The following LOX variants were observed in gnomAD, a reference collection of about 807,000 sequenced individuals.
The protein encoded by LOX is protein-lysine 6-oxidase.
LOX carries 12 observed loss-of-function variants against 50.5 expected under a neutral mutation model. That is an observed-to-expected ratio of 0.24 (90% CI 0.15 to 0.38). The LOEUF is 0.38. Ranked by LOEUF, LOX falls within the 10% of genes least tolerant of loss-of-function variation. The pLI is 1.00. For missense variants in LOX, 504 were observed against 563.8 expected (o/e 0.89, Z 1.07); for synonymous variants, 254 against 230.6 (o/e 1.10, Z -0.92).
intron 6 of LOX, among the ~76,000 whole-genome samples, chr5:122,067,840 C>T (rs1451340008): frequency 1.3e-5 from 2 of 152,016 alleles, no homozygotes; most frequent in Admixed American, 1.3e-4. Flanking sequence ...CCGGTGCATT[C>T]CCCAGACTTC....
In LOX at chr5:122,064,081, A is replaced by G. The variant is rs1312335421; in HGVS notation, c.*2662T>C. On this transcript the variant is annotated 3_prime_UTR_variant, in exon 7 of 7. Coordinates refer to ENST00000231004, the MANE Select transcript of LOX (RefSeq NM_002317.7). Reference sequence around the variant, plus strand: ...AATATGGCATATTGTAAACTGACTCATAAACTCTGAAATTATGTTCCTATT... The same window carrying G: ...AATATGGCATATTGTAAACTGACTCGTAAACTCTGAAATTATGTTCCTATT... 2 of 151,926 alleles carry G rather than the reference A, an allele frequency of 1.3e-5. No homozygotes were observed. Among genetic ancestry groups the G allele is most frequent in the Non-Finnish European group, 2.9e-5 (2 of 67,872 alleles). 9.4% of individuals were successfully genotyped at this position (151,926 alleles called of 1,614,324 possible).
intron 4 of LOX, chr5:122,070,853 G>C: frequency 3.9e-6 from 1 of 256,258 alleles, no homozygotes. Context: ...AATGCAATCT[G>C]AAGGAACAAA....
At chr5:122,075,183 A>G (rs1162820219) in intron 3 of LOX, 2 of 447,858 alleles carry the variant, frequency 4.5e-6, no homozygotes, top group South Asian at 4.3e-5. Flanking sequence ...GCTGTATCCT[A>G]TCAACAGCTT....
In LOX at chr5:122,077,441, G is replaced by T; in HGVS notation, c.545C>A (p.Pro182His). ...YNPYKYSDDN[P>H]YYNYYDTYER... is the part of the protein sequence containing the mutation. ...ATAAGTATCGTAGTAGTTGTAATAA[G>T]GGTTGTCGTCAGAGTACTTGTAGGG... The change falls in exon 1 of 7, where the codon CCT becomes CAT. Residue 182 changes from proline to histidine, a missense_variant. Coordinates refer to ENST00000231004, the MANE Select transcript of LOX (RefSeq NM_002317.7). The surrounding 1 kb of genome is among the most constrained non-coding windows in gnomAD (Gnocchi z 4.9). 1 of 1,614,152 alleles carries T rather than the reference G, an allele frequency of 6.2e-7. No individual in the cohort carries two copies. The highest frequency in any genetic ancestry group is 8.5e-7 in the Non-Finnish European group (1 of 1,180,016).
At chr5:122,072,213 C>A (rs1754471734) in intron 4 of LOX, among the ~76,000 whole-genome samples, 2 of 152,046 alleles carry the variant, frequency 1.3e-5, no homozygotes, top group Non-Finnish European at 2.9e-5. Context: ...ACAAAAGAGC[C>A]TTAAAAATGC....
Position 122,077,968 on chromosome 5 carries a change from G to A in LOX, c.18C>T (p.Thr6=), listed in dbSNP as rs570529743. The A allele has an allele frequency of 6.1e-6, 9 of 1,464,578 alleles. No homozygotes were observed. The East Asian group carries it at 2.1e-4, about 34-fold the overall frequency. 90.7% of individuals were successfully genotyped at this position (1,464,578 alleles called of 1,614,324 possible). A position where few individuals can be genotyped will look rare whatever the true frequency, so the allele number is the denominator to read the frequency against. ...GCTGCAAAGGCCCGAGCAGGAGCAC[G>A]GTCCAGGCGAAGCGCATCACTCCTT... MRFAW[T]VLLLGPLQLC... Residue 6 remains threonine, a synonymous_variant, in exon 1 of 7, where the codon ACC becomes ACT. Coordinates refer to ENST00000231004, the MANE Select transcript of LOX (RefSeq NM_002317.7). This position sits in a 1 kb window ranked among gnomAD's most constrained non-coding sequence, Gnocchi z 4.9.
Position 122,077,611 on chromosome 5 carries a change from G to A in LOX, c.375C>T (p.Phe125=), listed in dbSNP as rs1424480772. 7.4e-6 allele frequency: 12 copies of A among 1,612,240 alleles called. No homozygotes were observed. Among genetic ancestry groups the A allele is most frequent in the Non-Finnish European group, 9.3e-6 (11 of 1,179,782 alleles). The change falls in exon 1 of 7, where the codon TTC becomes TTT. Residue 125 remains phenylalanine (F), a synonymous_variant. Transcript: ENST00000231004. The surrounding 1 kb of genome is among the most constrained non-coding windows in gnomAD (Gnocchi z 4.9). The part of the protein sequence containing the change: ...GRPRPTARHW[F]QAGYSTSRAR... ...CTCTAGATGTCGAGTAGCCAGCTTG[G>A]AACCAGTGACGGGCGGTGGGCCTGG...
At position 122,070,529 on chromosome 5, in the gene LOX, T is replaced by G; in HGVS notation, c.1096A>C (p.Ile366Leu). The change falls in exon 5 of 7, where the codon ATT becomes CTT. Residue 366 changes from isoleucine to leucine, a missense_variant. By Grantham distance (5) the Ile-to-Leu change is conservative. Around this residue, in one of 2 missense-constraint regions of LOX, gnomAD observed 106 missense variants for 198.1 expected, o/e 0.54. Coordinates refer to ENST00000231004, the MANE Select transcript of LOX (RefSeq NM_002317.7). ...GADIDCQWID[I>L]TDVKPGNYIL... ...TAGTTTCCAGGTTTTACATCTGTAA[T>G]ATCAATCCACTGGCAGTCTATGTCT... 1 of 1,608,574 alleles carries G rather than the reference T, an allele frequency of 6.2e-7. No individual in the cohort carries two copies. Among genetic ancestry groups the G allele is most frequent in the Non-Finnish European group, 8.5e-7 (1 of 1,175,888 alleles).
chr5:122,068,174 T>TAAAAAAAAAAAAAAAAAAAAA (rs10650287), intron 6 of LOX, among the ~76,000 whole-genome samples: 1 of 115,908 alleles, frequency 8.6e-6, no homozygotes. Flanking sequence ...TAATAACTAG[T>TAAAAAAAAAAAAAAAAAAAAA]AAAAAAAAAA....
Position 122,063,550 on chromosome 5 carries a change from T to TTTAA in LOX, c.*3189_*3192dup, listed in dbSNP as rs1331604652. The TTTAA allele has an allele frequency of 3.9e-5, 6 of 151,922 alleles. No individual in the cohort carries two copies. The highest frequency in any genetic ancestry group is 1.2e-4 in the African/African-American group (5 of 41,422). The allele number at this position is 151,922 out of a possible 1,614,324, so 9.4% of individuals were successfully genotyped here. A position where few individuals can be genotyped will look rare whatever the true frequency, so the allele number is the denominator to read the frequency against. ...TAGAGGATAAATGAAATGTTTAGTG[T>TTTAA]TTAAAAGTGGCCCAGGAATTTTGGT... On this transcript the variant is annotated 3_prime_UTR_variant, in exon 7 of 7. Coordinates refer to ENST00000231004, the MANE Select transcript of LOX (RefSeq NM_002317.7).
At chr5:122,067,831 C>T (rs928873372) in intron 6 of LOX, among the ~76,000 whole-genome samples, 1 of 151,982 alleles carries the variant, frequency 6.6e-6, no homozygotes, top group African/African-American at 2.4e-5. Flanking sequence ...TAATGCTCCC[C>T]GGTGCATTCC....
chr5:122,077,385 G>C lies in LOX; in HGVS notation c.601C>G (p.Pro201Ala). The change falls in exon 1 of 7, where the codon CCC becomes GCC. Residue 201 changes from proline (P) to alanine (A), a missense_variant. Physicochemically the swap from Pro to Ala is conservative, Grantham distance 27 (BLOSUM62 -1). Transcript: ENST00000231004. The surrounding 1 kb of genome is among the most constrained non-coding windows in gnomAD (Gnocchi z 4.9). ...TGGAAGTAGCCAGTGCCGTATCCGGGCCGGTACCTGCCCCCAGGTCTGGGC... is the reference window on the plus strand; with the variant it reads ...TGGAAGTAGCCAGTGCCGTATCCGGCCCGGTACCTGCCCCCAGGTCTGGGC... ...ERPRPGGRYRPGYGTGYFQYG... is the reference protein window; with the variant it reads ...ERPRPGGRYRAGYGTGYFQYG... 1 of 1,614,042 alleles carries C rather than the reference G, an allele frequency of 6.2e-7. No homozygotes were observed.
At position 122,070,602 on chromosome 5, in the gene LOX, A is replaced by G. The variant is rs2979866; in HGVS notation, c.1036-13T>C. 6 of 1,451,936 alleles carry G rather than the reference A, an allele frequency of 4.1e-6. No homozygotes were observed. The African/African-American group carries it at 7.0e-5, about 17-fold the overall frequency. The allele number at this position is 1,451,936 out of a possible 1,614,324, so 89.9% of individuals were successfully genotyped here. On this transcript the variant is annotated splice_polypyrimidine_tract_variant and intron_variant, in intron 4 of 6. Transcript: ENST00000231004. ...CAGGACTCAATCCCTAAGATAAACA[A>G]AATAAAAAATTTAAAATTATGGTAT... is the stretch of plus-strand genomic sequence containing the variant.
At position 122,077,157 on chromosome 5, in the gene LOX, G is replaced by T. The variant is rs1754662937; in HGVS notation, c.632-156C>A. On this transcript the variant is annotated intron_variant, in intron 1 of 6. Transcript: ENST00000231004. The surrounding 1 kb of genome is among the most constrained non-coding windows in gnomAD (Gnocchi z 4.9). ...AAGAGAACTGGGGACGCCCGGGACT[G>T]CAAAGCAATGTGAAAAGGAAGCAGG... 2 of 1,466,406 alleles carry T rather than the reference G, an allele frequency of 1.4e-6. No individual in the cohort carries two copies. Among genetic ancestry groups the T allele is most frequent in the East Asian group, 4.9e-5 (2 of 40,594 alleles). 90.8% of individuals were successfully genotyped at this position (1,466,406 alleles called of 1,614,324 possible). A position where few individuals can be genotyped will look rare whatever the true frequency, so the allele number is the denominator to read the frequency against.
chr5:122,073,028 C>A (rs1369841760), intron 4 of LOX, among the ~76,000 whole-genome samples: 1 of 152,128 alleles, frequency 6.6e-6, no homozygotes, highest in African/African-American at 2.4e-5. Flanking sequence ...GTTAACCTTT[C>A]CCCCTCCAAT....
intron 4 of LOX, among the ~76,000 whole-genome samples, chr5:122,071,134 T>C (rs1754438839): frequency 6.6e-6 from 1 of 152,162 alleles, no homozygotes; most frequent in South Asian, 2.1e-4. Context: ...TTACGTTGTA[T>C]CTTTGAATAA....
In LOX at chr5:122,075,531, T is replaced by C. The variant is rs748534817; in HGVS notation, c.751A>G (p.Arg251Gly). The C allele has an allele frequency of 6.2e-7, 1 of 1,601,714 alleles. No individual in the cohort carries two copies. Among genetic ancestry groups the C allele is most frequent in the Non-Finnish European group, 8.5e-7 (1 of 1,175,902 alleles). ...EENCLASTAY[R>G]ADVRDYDHRV... ...TGATCATAATCTCTGACATCTGCCC[T>C]GTATGCTGTACTGTGATTTTGAAAA... is the stretch of plus-strand genomic sequence containing the variant. Residue 251 changes from arginine (R) to glycine (G), a missense_variant, in exon 3 of 7, where the codon AGG becomes GGG. Arg to Gly is a moderately radical substitution (Grantham distance 125, BLOSUM62 -2). Transcript: ENST00000231004.
Position 122,073,230 on chromosome 5 carries a change from T to C in LOX, c.1035+783A>G, listed in dbSNP as rs139142490. On this transcript the variant is annotated intron_variant, in intron 4 of 6. Transcript: ENST00000231004. ...CAAATTATAATGTCCTTTTACAAATTAGGGTTTCATATGGAAATACTGACA... is the reference window on the plus strand; with the variant it reads ...CAAATTATAATGTCCTTTTACAAATCAGGGTTTCATATGGAAATACTGACA... 9.8e-3 allele frequency among the ~76,000 whole-genome samples: 1,492 copies of C among 152,272 alleles called. 28 individuals are homozygous for C. Among genetic ancestry groups the C allele is most frequent in the African/African-American group, 0.034 (1,395 of 41,558 alleles).
rs1423646721 is a variant in LOX at position 122,077,021 on chromosome 5, G to A, written c.632-20C>T. On this transcript the variant is annotated intron_variant, in intron 1 of 6. Transcript: ENST00000231004. This position sits in a 1 kb window ranked among gnomAD's most constrained non-coding sequence, Gnocchi z 4.9. ...GGAGACCTAAACGTCAGCAGGCGAC[G>A]GGCGCAGCAGTGAAACAACCCGGCG... 2.5e-6 allele frequency: 4 copies of A among 1,610,934 alleles called. No individual in the cohort carries two copies. The highest frequency in any genetic ancestry group is 2.7e-5 in the African/African-American group (2 of 74,884).
Sources: allele counts gnomAD v4.1 joint callset (sites outside exome capture counted in the v4.1 genomes callset), GRCh38; gene constraint gnomAD v4.1.1; regional missense constraint gnomAD v4.1.1; non-coding constraint Gnocchi (gnomAD v3.1); transcripts MANE v1.5; gene names NCBI Gene and HGNC (gene_info 2026-07-23, HGNC 2026-07-21).